LPAR1: variants seen among roughly 807,000 people sequenced by gnomAD.
LPAR1 encodes the protein LPA receptor 1.
Under a neutral mutation model 23.8 loss-of-function variants are expected in LPAR1, and 5 were observed. The observed-to-expected ratio is 0.21, with a 90% CI of 0.11 to 0.44. LPAR1 has a LOEUF of 0.44. Among genes scored for constraint, LPAR1 ranks in the 20% least tolerant of loss-of-function variants. The probability of loss-of-function intolerance (pLI) is 0.99; values close to 1 mark genes in which losing one functional copy is unlikely to be tolerated. For synonymous variants in LPAR1, 160 were observed against 164.7 expected (o/e 0.97, Z 0.22); for missense variants, 311 against 482.8 (o/e 0.64, Z 3.33).
At chr9:111,031,201 G>C (rs1244161021) in intron 2 of LPAR1, among the ~76,000 whole-genome samples, 6 of 151,966 alleles carry the variant, frequency 3.9e-5, no homozygotes, top group African/African-American at 1.4e-4. Context: ...GTATCCCTGA[G>C]TGACTTCAAG....
chr9:110,997,719 A>G (rs2140020127), intron 2 of LPAR1, among the ~76,000 whole-genome samples: 1 of 152,318 alleles, frequency 6.6e-6, no homozygotes, highest in East Asian at 1.9e-4. Flanking sequence ...AGTTCTTCAC[A>G]GATACTTGGA....
intron 5 of LPAR1, among the ~76,000 whole-genome samples, chr9:110,928,020 C>T (rs978900485): frequency 1.3e-5 from 2 of 152,036 alleles, no homozygotes; most frequent in African/African-American, 2.4e-5. Context: ...ACAAAAATGT[C>T]CTCAAAGTTT....
chr9:110,908,753 G>T (rs897977084), intron 5 of LPAR1, among the ~76,000 whole-genome samples: 2 of 152,176 alleles, frequency 1.3e-5, no homozygotes, highest in Non-Finnish European at 2.9e-5. Flanking sequence ...AAGGGCAGGT[G>T]TGACCAGCAT....
In LPAR1 at chr9:110,951,883, A is replaced by G. The variant is rs72750160; in HGVS notation, c.46-9715T>C. ...TCAACTGGTGAAGGAATAAATCACA[A>G]TATTACCAGAAAGATATAAAGCAGT... is the stretch of plus-strand genomic sequence containing the variant. On this transcript the variant is annotated intron_variant, in intron 4 of 5. Coordinates refer to ENST00000683809, the MANE Select transcript of LPAR1 (RefSeq NM_001351411.2). Among the ~76,000 whole-genome samples the G allele has an allele frequency of 6.8e-3, 1,041 of 152,334 alleles. 7 individuals carry two copies. The highest frequency in any genetic ancestry group is 0.011 in the Non-Finnish European group (779 of 68,026).
chr9:110,903,958 T>A (rs1437765612), intron 5 of LPAR1, among the ~76,000 whole-genome samples: 1 of 141,752 alleles, frequency 7.1e-6, no homozygotes, highest in African/African-American at 2.7e-5. Flanking sequence ...GAACATCAAC[T>A]CCAATAACAG....
chr9:111,035,315 G>A (rs2097872919), intron 2 of LPAR1, among the ~76,000 whole-genome samples: 1 of 151,878 alleles, frequency 6.6e-6, no homozygotes, highest in African/African-American at 2.4e-5. Flanking sequence ...CTTGAATCCT[G>A]GGCTGAAGCC....
intron 2 of LPAR1, among the ~76,000 whole-genome samples, chr9:111,024,452 T>A (rs994338616): frequency 8.1e-5 from 12 of 147,522 alleles, no homozygotes; most frequent in African/African-American, 2.5e-4. Flanking sequence ...TTATATATTT[T>A]TATATATACA....
At chr9:110,993,031 C>T (rs1030593870) in intron 2 of LPAR1, among the ~76,000 whole-genome samples, 1 of 152,156 alleles carries the variant, frequency 6.6e-6, no homozygotes, top group Non-Finnish European at 1.5e-5. Context: ...AAGAAAAACG[C>T]TATTTTACAA....
At chr9:110,993,735 T>A (rs1167581896) in intron 2 of LPAR1, among the ~76,000 whole-genome samples, 2 of 152,196 alleles carry the variant, frequency 1.3e-5, no homozygotes, top group Non-Finnish European at 2.9e-5. Flanking sequence ...CTTAATACCA[T>A]TCTCTACAGA....
chr9:110,906,712 T>C (rs1439007400), intron 5 of LPAR1, among the ~76,000 whole-genome samples: 4 of 152,176 alleles, frequency 2.6e-5, no homozygotes, highest in African/African-American at 7.2e-5. Context: ...CAGCTGATTT[T>C]CTTCTAGAAT....
chr9:110,986,481 G>T (rs2096783953), intron 2 of LPAR1, among the ~76,000 whole-genome samples: 1 of 152,024 alleles, frequency 6.6e-6, no homozygotes, highest in Non-Finnish European at 1.5e-5. Flanking sequence ...AAGGCCGGAG[G>T]ATTGCTTGAG....
intron 5 of LPAR1, among the ~76,000 whole-genome samples, chr9:110,908,637 T>C (rs191748763): frequency 8.7e-4 from 133 of 152,300 alleles, no homozygotes; most frequent in Non-Finnish European, 1.5e-3. Flanking sequence ...TTTTCTTCTG[T>C]GGACCAGAAA....
At chr9:111,033,263 T>TACA (rs1339323727) in intron 2 of LPAR1, among the ~76,000 whole-genome samples, 1 of 152,082 alleles carries the variant, frequency 6.6e-6, no homozygotes, top group Non-Finnish European at 1.5e-5. Context: ...AAGTTGATAA[T>TACA]ACAACAACAA....
At chr9:110,886,015 T>C (rs1305325221) in intron 5 of LPAR1, among the ~76,000 whole-genome samples, 1 of 151,108 alleles carries the variant, frequency 6.6e-6, no homozygotes, top group Non-Finnish European at 1.5e-5. Context: ...CTGACCAACA[T>C]GGTATTACCC....
At chr9:110,918,701 C>A (rs1286753876) in intron 5 of LPAR1, among the ~76,000 whole-genome samples, 1 of 152,142 alleles carries the variant, frequency 6.6e-6, no homozygotes, top group African/African-American at 2.4e-5. Context: ...AGTAATGTCT[C>A]TGTAGCCAAA....
At chr9:110,924,072 AC>A (rs1226110853) in intron 5 of LPAR1, among the ~76,000 whole-genome samples, 1 of 152,124 alleles carries the variant, frequency 6.6e-6, no homozygotes, top group Non-Finnish European at 1.5e-5. Flanking sequence ...ACATAGTGCC[AC>A]TAAAAAAAAT....
intron 5 of LPAR1, among the ~76,000 whole-genome samples, chr9:110,896,453 T>G (rs1212628416): frequency 1.3e-5 from 2 of 152,234 alleles, no homozygotes; most frequent in African/African-American, 4.8e-5. Context: ...CAACTCAGAA[T>G]GTTTTTTATT....
In LPAR1 at chr9:110,875,581, G is replaced by C; in HGVS notation, c.935C>G (p.Ser312Cys). Residue 312 changes from serine to cysteine, a missense_variant, in exon 6 of 6, where the codon TCC (serine) becomes TGC (cysteine). By Grantham distance (112) the Ser-to-Cys change is moderately radical. Coordinates refer to ENST00000683809, the MANE Select transcript of LPAR1 (RefSeq NM_001351411.2). ...GGCGCTCATTTCTTTGTCGCGGTAG[G>C]AGTAAATGATGGGGTTCATGGCAGA... ...FNSAMNPIIY[S>C]YRDKEMSATF... 6.2e-7 allele frequency: 1 copy of C among 1,614,110 alleles called. No homozygotes were observed. Among genetic ancestry groups the C allele is most frequent in the East Asian group, 2.2e-5 (1 of 44,858 alleles).
chr9:110,904,199 A>G (rs2090412519), intron 5 of LPAR1, among the ~76,000 whole-genome samples: 1 of 152,206 alleles, frequency 6.6e-6, no homozygotes, highest in South Asian at 2.1e-4. Context: ...AGATGGAATC[A>G]TGGAGCATTA....
Sources: gnomAD v4.1 joint callset for allele counts (sites outside exome capture counted in the v4.1 genomes callset) on GRCh38, gnomAD v4.1.1 for gene constraint, MANE v1.5 for transcripts, NCBI Gene and HGNC (gene_info 2026-07-23, HGNC 2026-07-21) for gene names.